MZT2B: variants seen among roughly 807,000 people sequenced by gnomAD.
MZT2B encodes the protein mitotic spindle organizing protein 2B.
In MZT2B, 11 loss-of-function variants were observed where a neutral mutation model predicts 12.1. The observed-to-expected ratio is 0.91, with a 90% CI of 0.57 to 1.50. The LOEUF is 1.50. Ranked by LOEUF, MZT2B falls within the 40% of genes most tolerant of loss-of-function variation. The pLI is 0.00. For synonymous variants in MZT2B, 85 were observed against 109.5 expected (o/e 0.78, Z 1.40); for missense variants, 209 against 227.7 (o/e 0.92, Z 0.53).
intron 2 of MZT2B, chr2:130,184,563 C>T (rs114155192): frequency 0.059 from 58,334 of 985,410 alleles, 1,956 homozygotes; most frequent in Non-Finnish European, 0.066. Context: ...GGTTGCACCT[C>T]CTGCGTGCAC....
intron 1 of MZT2B, 60 bp downstream of exon 1, chr2:130,182,512 G>C (rs975665706): frequency 6.5e-7 from 1 of 1,542,200 alleles, no homozygotes; most frequent in Non-Finnish European, 8.7e-7. Flanking sequence ...CTGCTTTCCG[G>C]GTACGCCCGG....
intron 2 of MZT2B, chr2:130,184,021 A>G (rs1265665450): frequency 6.5e-7 from 1 of 1,550,356 alleles, no homozygotes. Context: ...TTTCCATGGA[A>G]ACTGCCTGGC....
At chr2:130,196,454 A>G in the MZT2B span, 1 of 1,532,770 alleles carries the variant, frequency 6.5e-7, no homozygotes, top group Non-Finnish European at 8.8e-7. Flanking sequence ...CTAATTTAAT[A>G]TTTATATAGT....
the MZT2B span, among the ~76,000 whole-genome samples, chr2:130,198,072 C>T: frequency 1.6e-5 from 2 of 123,368 alleles, 1 homozygote. Context: ...CAGCGCCCTC[C>T]TGTCTTCAGG....
At chr2:130,191,470 C>T (rs1690256966), downstream of MZT2B, among the ~76,000 whole-genome samples, 1 of 152,216 alleles carries the variant, frequency 6.6e-6, no homozygotes. Flanking sequence ...GCCAGCATGA[C>T]CCATCAATAA....
the MZT2B span, chr2:130,196,351 G>A: frequency 3.7e-6 from 6 of 1,613,802 alleles, no homozygotes; most frequent in South Asian, 1.1e-5. Flanking sequence ...CCTGCCCCAC[G>A]TGGATAGAGA....
intron 2 of MZT2B, 99 bp from the exon 3 acceptor site, chr2:130,190,370 A>G: frequency 6.5e-7 from 1 of 1,541,474 alleles, no homozygotes; most frequent in Non-Finnish European, 8.8e-7. Flanking sequence ...TTTGATGGAA[A>G]TGTGCAGACA....
chr2:130,203,912 C>A, the MZT2B span, among the ~76,000 whole-genome samples: 3 of 123,296 alleles, frequency 2.4e-5, 1 homozygote, highest in Admixed American at 2.6e-4. Context: ...GTAAGTTACT[C>A]CATGCAGTTG....
intron 2 of MZT2B, among the ~76,000 whole-genome samples, chr2:130,187,435 C>T (rs989222046): frequency 2.0e-5 from 3 of 152,306 alleles, no homozygotes; most frequent in South Asian, 2.1e-4. Flanking sequence ...AGGATCCTCC[C>T]GCCTTGGCCT....
At chr2:130,184,031 C>G in intron 2 of MZT2B, 2 of 1,550,332 alleles carry the variant, frequency 1.3e-6, no homozygotes. Context: ...AACTGCCTGG[C>G]CCCAGGAGGC....
At chr2:130,202,379 G>C in the MZT2B span, 1 of 1,290,742 alleles carries the variant, frequency 7.7e-7, no homozygotes, top group Non-Finnish European at 1.0e-6. Flanking sequence ...TCACACAGCA[G>C]CTACGGGGGC....
downstream of MZT2B, among the ~76,000 whole-genome samples, chr2:130,193,165 G>C (rs1558782447): frequency 6.6e-6 from 1 of 151,622 alleles, no homozygotes. Flanking sequence ...TGAGGTGAGA[G>C]AATCGCTAGA....
intron 2 of MZT2B, chr2:130,184,771 C>T: frequency 1.0e-6 from 1 of 985,426 alleles, no homozygotes; most frequent in Non-Finnish European, 1.2e-6. Context: ...TCACTCAGCA[C>T]TCACTCAGGG....
chr2:130,204,426 C>T, the MZT2B span: 1 of 411,328 alleles, frequency 2.4e-6, no homozygotes, highest in East Asian at 7.3e-5. Context: ...TGTGGTGGCT[C>T]ACGCCTGTAA....
intron 2 of MZT2B, among the ~76,000 whole-genome samples, chr2:130,189,379 A>C (rs1170051395): frequency 6.6e-6 from 1 of 152,212 alleles, no homozygotes; most frequent in Non-Finnish European, 1.5e-5. Context: ...TGCAAGCCCC[A>C]GCCAGGGTTT....
At chr2:130,201,388 T>C in the MZT2B span, among the ~76,000 whole-genome samples, 1 of 152,224 alleles carries the variant, frequency 6.6e-6, no homozygotes, top group African/African-American at 2.4e-5. Flanking sequence ...CCTCTCTTCC[T>C]GGTTTGCACA....
chr2:130,182,523 C>A, intron 1 of MZT2B, 71 bp downstream of exon 1: 1 of 1,545,362 alleles, frequency 6.5e-7, no homozygotes, highest in South Asian at 1.2e-5. Flanking sequence ...GTACGCCCGG[C>A]CCGCTGGTCG....
chr2:130,194,168 G>T, downstream of MZT2B: 2 of 1,613,822 alleles, frequency 1.2e-6, no homozygotes, highest in South Asian at 2.2e-5. Flanking sequence ...ATTGAGGTTG[G>T]TGTACGTGGG....
At chr2:130,197,105 C>T in the MZT2B span, among the ~76,000 whole-genome samples, 4,142 of 152,224 alleles carry the variant, frequency 0.027, 153 homozygotes, top group African/African-American at 0.087. Flanking sequence ...CTTGTAACCA[C>T]GCCCTCTCTC....
Sources: allele counts gnomAD v4.1 joint callset (sites outside exome capture counted in the v4.1 genomes callset), GRCh38; gene constraint gnomAD v4.1.1; transcripts MANE v1.5; gene names NCBI Gene and HGNC (gene_info 2026-07-23, HGNC 2026-07-21).